SLC1A2: variants seen among roughly 807,000 people sequenced by gnomAD.
The protein encoded by SLC1A2 is excitatory amino acid transporter 2.
In SLC1A2, 15 loss-of-function variants were observed where a neutral mutation model predicts 48.8. The observed-to-expected ratio is 0.31, with a 90% CI of 0.21 to 0.47. The LOEUF is 0.47. SLC1A2 is among the 20% of genes least tolerant of loss of function. The probability of loss-of-function intolerance (pLI) is 0.99; values close to 1 mark genes in which losing one functional copy is unlikely to be tolerated. For missense variants in SLC1A2, 502 were observed against 730.5 expected (o/e 0.69, Z 3.61); for synonymous variants, 279 against 272.6 (o/e 1.02, Z -0.23).
At chr11:35,272,138 T>G (rs1348747285) in intron 9 of SLC1A2, among the ~76,000 whole-genome samples, 1 of 152,044 alleles carries the variant, frequency 6.6e-6, no homozygotes, top group Non-Finnish European at 1.5e-5. Context: ...GGGGAAGAAG[T>G]AACTGAAGAT....
chr11:35,289,564 C>T (rs1850930042), intron 7 of SLC1A2, among the ~76,000 whole-genome samples: 1 of 151,940 alleles, frequency 6.6e-6, no homozygotes. Flanking sequence ...CATGCAAATC[C>T]CCTTAAGATT....
At chr11:35,292,585 C>T (rs1306053470) in intron 6 of SLC1A2, 65 bp from the exon 7 acceptor site, 3 of 920,840 alleles carry the variant, frequency 3.3e-6, no homozygotes, top group Non-Finnish European at 3.5e-6. Flanking sequence ...CCTGGGCCTC[C>T]TCTGTACCGC....
chr11:35,383,153 CA>C (rs1439818911), intron 1 of SLC1A2, among the ~76,000 whole-genome samples: 6 of 151,834 alleles, frequency 4.0e-5, no homozygotes, highest in African/African-American at 1.5e-4. Context: ...AAAGTTATGT[CA>C]AAAAAGAATA....
chr11:35,348,291 G>A (rs1407785148), intron 1 of SLC1A2, among the ~76,000 whole-genome samples: 2 of 152,122 alleles, frequency 1.3e-5, no homozygotes, highest in Admixed American at 1.3e-4. Flanking sequence ...GCCTCCCCTG[G>A]AGTTGGTGAA....
rs1412085503 is a variant in SLC1A2 at position 35,260,820 on chromosome 11, A to C, written c.*74T>G. 6.4e-6 allele frequency: 7 copies of C among 1,097,036 alleles called. No individual in the cohort carries two copies. Among genetic ancestry groups the C allele is most frequent in the Non-Finnish European group, 9.8e-6 (7 of 716,418 alleles). 68.0% of individuals were successfully genotyped at this position (1,097,036 alleles called of 1,614,324 possible). On this transcript the variant is annotated 3_prime_UTR_variant, in exon 11 of 11. Coordinates refer to ENST00000278379, the MANE Select transcript of SLC1A2 (RefSeq NM_004171.4). ...TACGCATTTTTTTCCTTTTTAAAGA[A>C]AGCTTGTTTATATCATCAGTTACCA...
At chr11:35,278,295 G>A (rs1850511737) in intron 9 of SLC1A2, among the ~76,000 whole-genome samples, 3 of 88,526 alleles carry the variant, frequency 3.4e-5, no homozygotes, top group Admixed American at 2.8e-4. Flanking sequence ...TTTTTTTTTA[G>A]ATGGAGTTTC....
intron 4 of SLC1A2, among the ~76,000 whole-genome samples, chr11:35,308,721 T>A (rs1851591789): frequency 6.6e-6 from 1 of 152,198 alleles, no homozygotes; most frequent in Non-Finnish European, 1.5e-5. Context: ...TAATGGCAAC[T>A]AAATTTCAGC....
At chr11:35,362,102 A>G (rs1264665026) in intron 1 of SLC1A2, among the ~76,000 whole-genome samples, 1 of 152,246 alleles carries the variant, frequency 6.6e-6, no homozygotes, top group Non-Finnish European at 1.5e-5. Flanking sequence ...CACCTGGTAT[A>G]GGCAATGGTG....
At chr11:35,390,410 T>G (rs896509235) in intron 1 of SLC1A2, among the ~76,000 whole-genome samples, 13 of 152,184 alleles carry the variant, frequency 8.5e-5, no homozygotes, top group Non-Finnish European at 7.4e-5. Context: ...TGATTTTTTT[T>G]AAGTAAGTTG....
At chr11:35,273,277 A>T (rs1430543593) in intron 9 of SLC1A2, among the ~76,000 whole-genome samples, 1 of 152,226 alleles carries the variant, frequency 6.6e-6, no homozygotes, top group Non-Finnish European at 1.5e-5. Context: ...AGCTCTGGGC[A>T]TTCAAGGGCT....
intron 6 of SLC1A2, among the ~76,000 whole-genome samples, chr11:35,294,638 T>C (rs1851114564): frequency 6.6e-6 from 1 of 152,168 alleles, no homozygotes; most frequent in South Asian, 2.1e-4. Context: ...AAATATAAGC[T>C]GTTTGGGGTG....
At chr11:35,419,947 A>C (rs1348905465), upstream of SLC1A2, 1 of 469,090 alleles carries the variant, frequency 2.1e-6, no homozygotes, top group Admixed American at 2.4e-5. This position sits in a 1 kb window ranked among gnomAD's most constrained non-coding sequence, Gnocchi z 5.4. Flanking sequence ...CCATCCTCCC[A>C]CGTCTGGGGG....
At chr11:35,407,700 C>T (rs143285743) in intron 1 of SLC1A2, among the ~76,000 whole-genome samples, 129 of 152,318 alleles carry the variant, frequency 8.5e-4, no homozygotes, top group African/African-American at 2.9e-3. Context: ...AGTCCTTCCA[C>T]GATTTGACCT....
chr11:35,387,797 C>G (rs555524385), intron 1 of SLC1A2, among the ~76,000 whole-genome samples: 3 of 151,186 alleles, frequency 2.0e-5, no homozygotes, highest in Admixed American at 2.0e-4. Context: ...CTGCACCTTT[C>G]TGGAAGGAGG....
intron 10 of SLC1A2, among the ~76,000 whole-genome samples, chr11:35,263,325 G>A (rs947931504): frequency 6.6e-6 from 1 of 152,066 alleles, no homozygotes; most frequent in African/African-American, 2.4e-5. Flanking sequence ...AAAATTAGCT[G>A]GGCATGGTGG....
rs373043482 is a variant in SLC1A2 at position 35,346,058 on chromosome 11, CTT to C, written c.18-28544_18-28543del. 2.0e-3 allele frequency among the ~76,000 whole-genome samples: 290 copies of C among 147,422 alleles called. 3 individuals carry two copies. The highest frequency in any genetic ancestry group is 4.4e-3 in the African/African-American group (176 of 40,390). ...AACAATTAAAACGCAGACCCATGTT[CTT>C]TTTTTTTTTCTTTATACTTTAAGTT... On this transcript the variant is annotated intron_variant, in intron 1 of 10. Coordinates refer to ENST00000278379, the MANE Select transcript of SLC1A2 (RefSeq NM_004171.4).
intron 1 of SLC1A2, among the ~76,000 whole-genome samples, chr11:35,407,064 A>G (rs1217741463): frequency 6.6e-6 from 1 of 151,892 alleles, no homozygotes; most frequent in Non-Finnish European, 1.5e-5. Flanking sequence ...GGAGACTTAG[A>G]AAGGACTTAA....
intron 1 of SLC1A2, among the ~76,000 whole-genome samples, chr11:35,336,805 A>G (rs1047493524): frequency 6.6e-6 from 1 of 152,126 alleles, no homozygotes; most frequent in Non-Finnish European, 1.5e-5. Flanking sequence ...GGGGTCAGCA[A>G]CTCATGGCTT....
At chr11:35,286,702 G>A (rs1258253428) in intron 8 of SLC1A2, 55 bp downstream of exon 8, 2 of 1,327,390 alleles carry the variant, frequency 1.5e-6, no homozygotes, top group Middle Eastern at 2.6e-4. Flanking sequence ...CATGGAGTTA[G>A]TGTGGAGGGG....
Sources: gnomAD v4.1 joint callset for allele counts (sites outside exome capture counted in the v4.1 genomes callset) on GRCh38, gnomAD v4.1.1 for gene constraint, Gnocchi (gnomAD v3.1) non-coding constraint, MANE v1.5 for transcripts, NCBI Gene and HGNC (gene_info 2026-07-23, HGNC 2026-07-21) for gene names.